The following AOPEP variants were observed in gnomAD, a reference collection of about 807,000 sequenced individuals.
AOPEP encodes the protein aminopeptidase O (putative).
AOPEP carries 77 observed loss-of-function variants against 98.1 expected under a neutral mutation model. That is an observed-to-expected ratio of 0.78 (90% CI 0.65 to 0.95). The LOEUF (loss-of-function observed/expected upper bound fraction) is 0.95. AOPEP is among the 40% of genes least tolerant of loss of function. The pLI is 0.00. For missense variants in AOPEP, 1,024 were observed against 1,024.7 expected, an observed-to-expected ratio of 1.00 and a Z score of 0.01; for synonymous variants, 346 against 365.3, an observed-to-expected ratio of 0.95 and a Z score of 0.60.
chr9:94,775,029 C>CAA (rs1841772769), intron 3 of AOPEP, among the ~76,000 whole-genome samples: 1 of 151,896 alleles, frequency 6.6e-6, no homozygotes, highest in African/African-American at 2.4e-5. Flanking sequence ...TTTATTGGCT[C>CAA]TTTAAAAAAA....
chr9:95,102,277 T>G, the AOPEP span, among the ~76,000 whole-genome samples: 1 of 152,234 alleles, frequency 6.6e-6, no homozygotes, highest in Non-Finnish European at 1.5e-5. Flanking sequence ...AAATACCACC[T>G]GTTTTCACAG....
the AOPEP span, among the ~76,000 whole-genome samples, chr9:95,138,161 C>T: frequency 3.3e-5 from 5 of 152,216 alleles, no homozygotes; most frequent in African/African-American, 1.2e-4. Flanking sequence ...AAGAGGCAGC[C>T]GAGGTCAGAG....
chr9:95,110,844 C>T, the AOPEP span: 1 of 1,169,260 alleles, frequency 8.6e-7, no homozygotes, highest in Non-Finnish European at 1.1e-6. Context: ...TATTATATTC[C>T]ACATAAAATA....
intron 7 of AOPEP, among the ~76,000 whole-genome samples, chr9:94,943,451 A>C (rs1248310271): frequency 6.6e-6 from 1 of 151,146 alleles, no homozygotes; most frequent in African/African-American, 2.4e-5. Context: ...AAAATTATCC[A>C]GGTGTGGTGA....
chr9:95,052,153 A>G (rs2066433814), intron 13 of AOPEP, among the ~76,000 whole-genome samples: 1 of 152,230 alleles, frequency 6.6e-6, no homozygotes, highest in South Asian at 2.1e-4. Flanking sequence ...ATTGACAGCT[A>G]TTCTTGCAGA....
intron 5 of AOPEP, among the ~76,000 whole-genome samples, chr9:94,802,688 T>C (rs1056048459): frequency 1.3e-5 from 2 of 152,264 alleles, no homozygotes; most frequent in African/African-American, 4.8e-5. Context: ...ACTGCTTTTA[T>C]GCTTAAAAGC....
intron 5 of AOPEP, among the ~76,000 whole-genome samples, chr9:94,849,506 C>CTT (rs71496986): frequency 3.9e-4 from 11 of 27,986 alleles, no homozygotes; most frequent in African/African-American, 5.4e-4. Flanking sequence ...TTCTTTCTTT[C>CTT]TTTTTTTTTT....
chr9:95,082,051 C>T (rs929040819), intron 15 of AOPEP, among the ~76,000 whole-genome samples: 7 of 151,970 alleles, frequency 4.6e-5, no homozygotes, highest in African/African-American at 9.7e-5. Flanking sequence ...GAGGAAAGGG[C>T]GCAGGCGGGG....
chr9:95,091,125 CCAAGGGCCGCTTT>C (rs1481129108), downstream of AOPEP, among the ~76,000 whole-genome samples: 1 of 152,248 alleles, frequency 6.6e-6, no homozygotes, highest in Non-Finnish European at 1.5e-5. Flanking sequence ...GAAAGCAAGG[CCAAGGGCCGCTTT>C]CAAGGGACAG....
intron 10 of AOPEP, among the ~76,000 whole-genome samples, chr9:94,969,046 G>A (rs182721059): frequency 3.0e-4 from 46 of 152,274 alleles, no homozygotes; most frequent in African/African-American, 1.0e-3. Context: ...TCTCACAGCT[G>A]TATGCAGCAG....
intron 13 of AOPEP, among the ~76,000 whole-genome samples, chr9:95,028,495 G>T (rs1304801596): frequency 2.6e-5 from 4 of 152,218 alleles, no homozygotes; most frequent in African/African-American, 4.8e-5. Flanking sequence ...TAATATTTGG[G>T]CTTAGAAATT....
the AOPEP span, among the ~76,000 whole-genome samples, chr9:95,116,074 C>A: frequency 2.6e-5 from 4 of 152,248 alleles, no homozygotes; most frequent in African/African-American, 9.6e-5. Context: ...TATATTTGGA[C>A]ATAAATCTAC....
chr9:94,894,013 C>G (rs992874677), intron 5 of AOPEP, among the ~76,000 whole-genome samples: 1 of 152,272 alleles, frequency 6.6e-6, no homozygotes, highest in South Asian at 2.1e-4. Context: ...TATCCCTCTT[C>G]TACTAAAACC....
the AOPEP span, chr9:95,113,987 CTGAG>C: frequency 6.3e-6 from 1 of 158,580 alleles, no homozygotes; most frequent in Non-Finnish European, 1.4e-5. Flanking sequence ...ACTCAGGAGT[CTGAG>C]TGGGAGGATC....
At chr9:94,835,259 A>T (rs1271974878) in intron 5 of AOPEP, among the ~76,000 whole-genome samples, 3 of 152,194 alleles carry the variant, frequency 2.0e-5, no homozygotes, top group Admixed American at 6.5e-5. Flanking sequence ...CAGGATGTAC[A>T]GGAGTAATTT....
chr9:95,018,009 A>C (rs951358856), intron 13 of AOPEP, among the ~76,000 whole-genome samples: 2 of 152,176 alleles, frequency 1.3e-5, no homozygotes, highest in African/African-American at 4.8e-5. Context: ...GATATACTAC[A>C]TTTTGTTGAT....
At chr9:94,925,726 C>T (rs768835306) in intron 6 of AOPEP, among the ~76,000 whole-genome samples, 1 of 152,182 alleles carries the variant, frequency 6.6e-6, no homozygotes, top group African/African-American at 2.4e-5. Context: ...TGAGGAGAGG[C>T]CACATGATAG....
At chr9:95,064,348 G>T (rs1006425423) in intron 14 of AOPEP, among the ~76,000 whole-genome samples, 3 of 152,242 alleles carry the variant, frequency 2.0e-5, no homozygotes, top group African/African-American at 7.2e-5. Flanking sequence ...AGGCTGGAGT[G>T]CAGTGGCACG....
chr9:94,729,850 A>G (rs1830107277), intron 1 of AOPEP, among the ~76,000 whole-genome samples: 1 of 152,186 alleles, frequency 6.6e-6, no homozygotes, highest in Non-Finnish European at 1.5e-5. Context: ...ATTGGAGAAA[A>G]TGTTAAAGCT....
Sources: gnomAD v4.1 joint callset for allele counts (sites outside exome capture counted in the v4.1 genomes callset) on GRCh38, gnomAD v4.1.1 for gene constraint, MANE v1.5 for transcripts, NCBI Gene and HGNC (gene_info 2026-07-23, HGNC 2026-07-21) for gene names.